VSIG1: variants seen among roughly 807,000 people sequenced by gnomAD.
The protein encoded by VSIG1 is V-set and immunoglobulin domain-containing protein 1.
Under a neutral mutation model 20.1 loss-of-function variants are expected in VSIG1, and 11 were observed. The ratio of observed to expected loss-of-function variants is 0.55; its 90% CI spans 0.34 to 0.91. The LOEUF is 0.91. VSIG1 is among the 40% of genes least tolerant of loss of function. VSIG1 has a pLI of 0.02. For missense variants in VSIG1, 283 were observed against 298.8 expected (o/e 0.95, Z 0.39); for synonymous variants, 126 against 116.7 (o/e 1.08, Z -0.52).
chrX:108,055,308 C>T (rs961834244), intron 1 of VSIG1, among the ~76,000 whole-genome samples: 1 of 111,690 alleles, frequency 9.0e-6, no homozygotes, highest in Non-Finnish European at 1.9e-5. Flanking sequence ...AAATTGAATT[C>T]ATAATTTTAA....
chrX:108,046,221 A>C (rs1318207489), intron 1 of VSIG1, among the ~76,000 whole-genome samples: 1 of 112,186 alleles, frequency 8.9e-6, no homozygotes, highest in Non-Finnish European at 1.9e-5. Flanking sequence ...GTTTAGAAAT[A>C]GTTCTTTAAA....
the VSIG1 span, among the ~76,000 whole-genome samples, chrX:108,021,758 A>G: frequency 1.8e-5 from 2 of 112,317 alleles, no homozygotes; most frequent in South Asian, 3.7e-4. Flanking sequence ...TAAAAAAATT[A>G]TGCTTTTTGC....
At chrX:108,047,094 A>G (rs994625144) in intron 1 of VSIG1, among the ~76,000 whole-genome samples, 57 of 111,622 alleles carry the variant, frequency 5.1e-4, no homozygotes, top group Middle Eastern at 4.6e-3. Context: ...TAGTGTTTCC[A>G]TCAATGTGCA....
the VSIG1 span, among the ~76,000 whole-genome samples, chrX:108,026,521 T>C: frequency 0.047 from 5,214 of 111,109 alleles, 327 homozygotes; most frequent in African/African-American, 0.16. Context: ...GTTGTTTCCA[T>C]AGCATGCTAA....
chrX:108,066,834 C>T, intron 2 of VSIG1, 102 bp from the exon 3 acceptor site: 1 of 792,612 alleles, frequency 1.3e-6, no homozygotes, highest in Non-Finnish European at 1.8e-6. Context: ...GGGGAAGATG[C>T]TGCTTCTTTA....
At chrX:108,076,999 A>G in intron 6 of VSIG1, 49 bp from the exon 7 acceptor site, 1 of 1,121,353 alleles carries the variant, frequency 8.9e-7, no homozygotes, top group Non-Finnish European at 1.2e-6. Context: ...TGAAATTTCA[A>G]AGTTAGCATC....
chrX:108,047,967 T>TATATATATAC (rs2030685072), intron 1 of VSIG1, among the ~76,000 whole-genome samples: 1 of 27,103 alleles, frequency 3.7e-5, no homozygotes, highest in Non-Finnish European at 6.9e-5. Context: ...CACACATATA[T>TATATATATAC]ATATATATAT....
intron 1 of VSIG1, among the ~76,000 whole-genome samples, chrX:108,053,858 C>A (rs372861348): frequency 9.0e-6 from 1 of 110,889 alleles, no homozygotes; most frequent in African/African-American, 3.3e-5. Context: ...CTTACTGTGC[C>A]TAATTTATAA....
chrX:108,045,084 TC>T lies in VSIG1; in HGVS notation c.-45del. On this transcript the variant is annotated 5_prime_UTR_variant, in exon 1 of 7. Transcript: ENST00000217957. The stretch of plus-strand genomic sequence containing the variant: ...GAAGCCAATTTGAGACTCAGCCTAG[TC>T]CAGGCAAGCTACTGGCACCTGCTGC... 1 of 1,119,513 alleles carries T rather than the reference TC, an allele frequency of 8.9e-7. No individual in the cohort carries two copies. Among genetic ancestry groups the T allele is most frequent in the Non-Finnish European group, 1.2e-6 (1 of 837,072 alleles). 92.3% of individuals were successfully genotyped at this position (1,119,513 alleles called of 1,213,427 possible).
rs1357210866 is a variant in VSIG1 at position 108,047,797 on chromosome X, T to TATATATATATACATATATATATAC, written c.49+2628_49+2651dup. Among the ~76,000 whole-genome samples the TATATATATATACATATATATATAC allele has an allele frequency of 7.2e-5, 5 of 69,208 alleles. No individual in the cohort carries two copies. In the East Asian group the frequency reaches 2.0e-3, roughly 27 times the overall value. The allele number at this position is 69,208 out of a possible 115,157, so 60.1% of individuals were successfully genotyped here. A position where few individuals can be genotyped will look rare whatever the true frequency, so the allele number is the denominator to read the frequency against. ...CTCTCTCTCTCTCTCTCTCTATATA[T>TATATATATATACATATATATATAC]ATATATATATACATATATATATACA... On this transcript the variant is annotated intron_variant, in intron 1 of 6. Transcript: ENST00000217957.
chrX:108,055,032 GA>G (rs903867716), intron 1 of VSIG1, among the ~76,000 whole-genome samples: 4 of 106,410 alleles, frequency 3.8e-5, no homozygotes, highest in African/African-American at 1.0e-4. Flanking sequence ...TTGCTTTTCT[GA>G]AAAAAAAATC....
the VSIG1 span, among the ~76,000 whole-genome samples, chrX:108,031,190 G>T: frequency 8.9e-6 from 1 of 112,065 alleles, no homozygotes; most frequent in Non-Finnish European, 1.9e-5. Flanking sequence ...ATGAAATCAG[G>T]GAAGGCCTCA....
In VSIG1 at chrX:108,058,068, C is replaced by T. The variant is rs747490071; in HGVS notation, c.80C>T (p.Pro27Leu). The change falls in exon 2 of 7, where the codon CCA (proline) becomes CTA (leucine). Residue 27 changes from proline (P) to leucine (L), a missense_variant. Transcript: ENST00000217957. ...GQVSVVQVTI[P>L]DGFVNVTVGS... is the part of the protein sequence containing the mutation. ...GTTAGTGTGGTGCAAGTGACCATCC[C>T]AGACGGTTTCGTGAACGTGACTGTT... The T allele has an allele frequency of 1.7e-6, 2 of 1,209,941 alleles. No homozygotes were observed. Among genetic ancestry groups the T allele is most frequent in the Non-Finnish European group, 2.2e-6 (2 of 894,664 alleles).
the VSIG1 span, among the ~76,000 whole-genome samples, chrX:108,023,452 G>A: frequency 1.8e-5 from 2 of 111,821 alleles, no homozygotes; most frequent in Non-Finnish European, 3.8e-5. Context: ...GGTAATGCTG[G>A]CCTCATAGAA....
chrX:108,076,249 A>G (rs773742897), intron 6 of VSIG1, 31 bp downstream of exon 6: 8 of 1,192,146 alleles, frequency 6.7e-6, no homozygotes, highest in Non-Finnish European at 9.1e-6. Flanking sequence ...CTTTACTTGA[A>G]TACAAACATT....
At chrX:108,069,750 T>C (rs1014752608) in intron 3 of VSIG1, among the ~76,000 whole-genome samples, 3 of 111,878 alleles carry the variant, frequency 2.7e-5, no homozygotes, top group Non-Finnish European at 5.6e-5. Flanking sequence ...ATGTAAAAGA[T>C]AGGGTCTTAG....
At chrX:108,073,127 C>T (rs766847889) in intron 4 of VSIG1, 123 bp from the exon 5 acceptor site, 9 of 870,409 alleles carry the variant, frequency 1.0e-5, no homozygotes, top group South Asian at 7.3e-5. Flanking sequence ...CTAGTTGAAT[C>T]CTGAACATCT....
In VSIG1 at chrX:108,058,060, G is replaced by C. The variant is rs747814230; in HGVS notation, c.72G>C (p.Val24=). Residue 24 remains valine (V), a synonymous_variant, in exon 2 of 7, where the codon GTG becomes GTC. Coordinates refer to ENST00000217957, the MANE Select transcript of VSIG1 (RefSeq NM_182607.5). ...CLAGQVSVVQ[V]TIPDGFVNVT... ...CAGGTCAGGTTAGTGTGGTGCAAGT[G>C]ACCATCCCAGACGGTTTCGTGAACG... 3 of 1,209,078 alleles carry C rather than the reference G, an allele frequency of 2.5e-6. No individual in the cohort carries two copies. Among genetic ancestry groups the C allele is most frequent in the Non-Finnish European group, 3.4e-6 (3 of 894,386 alleles).
intron 1 of VSIG1, among the ~76,000 whole-genome samples, chrX:108,046,014 A>C (rs2030567437): frequency 9.0e-6 from 1 of 111,527 alleles, no homozygotes; most frequent in Non-Finnish European, 1.9e-5. Flanking sequence ...GTGAAAAAGC[A>C]GGATGCACAC....
Sources: gnomAD v4.1 joint callset for allele counts (sites outside exome capture counted in the v4.1 genomes callset) on GRCh38, gnomAD v4.1.1 for gene constraint, MANE v1.5 for transcripts, NCBI Gene and HGNC (gene_info 2026-07-23, HGNC 2026-07-21) for gene names.